ABI3BP: variants seen among roughly 807,000 people sequenced by gnomAD.
The protein encoded by ABI3BP is ABI family member 3 binding protein, also known as target of Nesh-SH3.
A neutral mutation model predicts 268.6 loss-of-function variants in ABI3BP; 216 were observed. The observed-to-expected ratio is 0.80, with a 90% confidence interval of 0.72 to 0.90. The LOEUF is 0.90. Ranked by LOEUF, ABI3BP falls within the 40% of genes least tolerant of loss-of-function variation. The probability of loss-of-function intolerance (pLI) is 0.00; values close to 1 mark genes in which losing one functional copy is unlikely to be tolerated. For synonymous variants in ABI3BP, 730 were observed against 730.0 expected (o/e 1.00, Z 0.00); for missense variants, 2,090 against 2,182.4 (o/e 0.96, Z 0.84).
chr3:100,775,180 C>A lies in ABI3BP; in HGVS notation c.4462+27G>T, dbSNP rs9814717. 5.0e-3 allele frequency: 8,044 copies of A among 1,608,770 alleles called. 357 individuals carry two copies. The African/African-American group carries it at 0.096, about 19-fold the overall frequency. ...TCTTTTGCACCTCACAGCTAAGTAT[C>A]CAGTGAGAACTGATGGCCATACGAA... On this transcript the variant is annotated intron_variant, in intron 60 of 67. Coordinates refer to ENST00000471714, the MANE Select transcript of ABI3BP (RefSeq NM_001375547.2).
At chr3:100,811,580 T>C in intron 47 of ABI3BP, 148 bp downstream of exon 47, 7 of 810,852 alleles carry the variant, frequency 8.6e-6, no homozygotes, top group Non-Finnish European at 1.1e-5. Flanking sequence ...ACTTTAAGAA[T>C]TCAAGAATGT....
intron 1 of ABI3BP, among the ~76,000 whole-genome samples, chr3:100,939,548 T>A (rs2067899115): frequency 6.6e-6 from 1 of 151,802 alleles, no homozygotes; most frequent in Non-Finnish European, 1.5e-5. Context: ...ACCAGCAAGT[T>A]TTTATTAGGG....
At chr3:100,825,296 C>G (rs543648479) in intron 35 of ABI3BP, among the ~76,000 whole-genome samples, 1 of 152,014 alleles carries the variant, frequency 6.6e-6, no homozygotes, top group South Asian at 2.1e-4. Flanking sequence ...AGATTTCAGA[C>G]TTCAGTAATT....
Position 100,862,838 on chromosome 3 carries a change from C to T in ABI3BP, c.1210G>A (p.Ala404Thr). 1 of 1,533,042 alleles carries T rather than the reference C, an allele frequency of 6.5e-7. No homozygotes were observed. Among genetic ancestry groups the T allele is most frequent in the Non-Finnish European group, 8.7e-7 (1 of 1,144,538 alleles). The allele number at this position is 1,533,042 out of a possible 1,614,324, so 95.0% of individuals were successfully genotyped here. ...FPFEKPRGTL[A>T]SSEKPWIVPT... is the part of the protein sequence containing the mutation. ...ATTAAATTTAAGGTACTCTTATTAC[C>T]CAATGTGCCCCTAGGTTTCTCAAAA... is the stretch of plus-strand genomic sequence containing the variant. Residue 404 changes from alanine (A) to threonine (T), a missense_variant and splice_region_variant, in exon 13 of 68, where the codon GCT becomes ACT. Coordinates refer to ENST00000471714, the MANE Select transcript of ABI3BP (RefSeq NM_001375547.2).
intron 2 of ABI3BP, among the ~76,000 whole-genome samples, chr3:100,923,760 A>T (rs899414217): frequency 6.6e-6 from 1 of 152,232 alleles, no homozygotes; most frequent in African/African-American, 2.4e-5. Context: ...TGGCTAAAAT[A>T]GGGAGAAAGA....
At chr3:100,981,072 G>A (rs1277835676) in intron 1 of ABI3BP, among the ~76,000 whole-genome samples, 1 of 152,170 alleles carries the variant, frequency 6.6e-6, no homozygotes, top group Non-Finnish European at 1.5e-5. Context: ...GAATGCTATG[G>A]TGTGAATATA....
chr3:100,920,178 C>T (rs951009264), intron 2 of ABI3BP, among the ~76,000 whole-genome samples: 1 of 152,156 alleles, frequency 6.6e-6, no homozygotes, highest in Non-Finnish European at 1.5e-5. Context: ...TATCTCCGCA[C>T]CCACAAATAT....
intron 4 of ABI3BP, among the ~76,000 whole-genome samples, chr3:100,892,167 C>T (rs2153440799): frequency 6.6e-6 from 1 of 152,204 alleles, no homozygotes; most frequent in East Asian, 1.9e-4. Flanking sequence ...GGCAATTCCT[C>T]AGTAGGTAAA....
At chr3:100,971,372 T>G (rs1042779144) in intron 1 of ABI3BP, among the ~76,000 whole-genome samples, 1 of 152,116 alleles carries the variant, frequency 6.6e-6, no homozygotes, top group Admixed American at 6.5e-5. Flanking sequence ...TAAGCATCGG[T>G]AAATAAAAAG....
intron 24 of ABI3BP, 70 bp from the exon 25 acceptor site, chr3:100,838,534 G>T: frequency 8.1e-7 from 1 of 1,235,812 alleles, no homozygotes; most frequent in Non-Finnish European, 1.1e-6. Flanking sequence ...GGACAATTAT[G>T]CAGAACAAAG....
At chr3:100,968,699 A>G (rs1193621017) in intron 1 of ABI3BP, among the ~76,000 whole-genome samples, 1 of 151,732 alleles carries the variant, frequency 6.6e-6, no homozygotes, top group Non-Finnish European at 1.5e-5. Flanking sequence ...ATTTCTTTTT[A>G]TTTATTGTAC....
At chr3:100,803,213 A>G (rs1166918375) in intron 51 of ABI3BP, among the ~76,000 whole-genome samples, 1 of 146,210 alleles carries the variant, frequency 6.8e-6, no homozygotes, top group Non-Finnish European at 1.6e-5. Context: ...AACTCTGGAT[A>G]AAAAGAATAA....
At chr3:100,852,963 G>T (rs2098875377) in intron 14 of ABI3BP, among the ~76,000 whole-genome samples, 1 of 152,180 alleles carries the variant, frequency 6.6e-6, no homozygotes, top group South Asian at 2.1e-4. Context: ...GGTAGATGTT[G>T]CTTTTCTTGT....
intron 2 of ABI3BP, among the ~76,000 whole-genome samples, chr3:100,920,411 A>G (rs2059878345): frequency 6.6e-6 from 1 of 151,982 alleles, no homozygotes; most frequent in Admixed American, 6.6e-5. Flanking sequence ...AGTCTATATT[A>G]GCTTCTTTTT....
At chr3:100,839,070 C>T (rs993834668) in intron 24 of ABI3BP, among the ~76,000 whole-genome samples, 3 of 152,132 alleles carry the variant, frequency 2.0e-5, no homozygotes, top group Admixed American at 6.5e-5. Context: ...AGATCAAGAA[C>T]GATCTTGGTT....
chr3:100,958,756 A>G (rs1170414358), intron 1 of ABI3BP, among the ~76,000 whole-genome samples: 1 of 152,270 alleles, frequency 6.6e-6, no homozygotes, highest in Non-Finnish European at 1.5e-5. Context: ...GAAGCTAGTA[A>G]GATAAATTTG....
chr3:100,985,569 C>G (rs72930292), intron 1 of ABI3BP, among the ~76,000 whole-genome samples: 1 of 151,898 alleles, frequency 6.6e-6, no homozygotes, highest in African/African-American at 2.4e-5. Context: ...GGGATAAAAG[C>G]GTTTTTTCTA....
rs143374222 is a variant in ABI3BP, at chr3:100,771,734, T to C, written c.4532-782A>G. On this transcript the variant is annotated intron_variant, in intron 61 of 67. Transcript: ENST00000471714. ...CAAAAAGAGGGAGAGAAGATAAACA[T>C]TAAAAATAATGAACATCACTGAGCT... 3.4e-3 allele frequency among the ~76,000 whole-genome samples: 519 copies of C among 152,096 alleles called. 5 individuals carry two copies. The highest frequency in any genetic ancestry group is 5.0e-3 in the Non-Finnish European group (338 of 67,960).
At chr3:100,876,398 T>G in intron 7 of ABI3BP, 114 bp downstream of exon 7, 1 of 1,010,020 alleles carries the variant, frequency 9.9e-7, no homozygotes, top group Non-Finnish European at 1.4e-6. Flanking sequence ...TTTGAACTTT[T>G]TCTCAAAAAA....
Sources: gnomAD v4.1 joint callset for allele counts (sites outside exome capture counted in the v4.1 genomes callset) on GRCh38, gnomAD v4.1.1 for gene constraint, MANE v1.5 for transcripts, NCBI Gene and HGNC (gene_info 2026-07-23, HGNC 2026-07-21) for gene names.